Variants in SLC26A4 observed in about 807,000 individuals in gnomAD.
SLC26A4 encodes pendrin.
SLC26A4 carries 93 observed loss-of-function variants against 90.4 expected under a neutral mutation model. The observed-to-expected ratio is 1.03, with a 90% confidence interval of 0.87 to 1.22. SLC26A4 has a LOEUF of 1.22. SLC26A4 is among the 50% of genes most tolerant of loss of function. The pLI, the probability that SLC26A4 is intolerant of heterozygous loss-of-function variation, is 0.00. For synonymous variants in SLC26A4, 393 were observed against 354.6 expected (o/e 1.11, Z -1.22); for missense variants, 1,127 against 946.2 (o/e 1.19, Z -2.51).
At chr7:107,710,289 T>C (rs368660399) in intron 19 of SLC26A4, 90 bp downstream of exon 19, 10 of 1,011,862 alleles carry the variant, frequency 9.9e-6, no homozygotes, top group African/African-American at 6.3e-5. Context: ...AGTCTAGCTG[T>C]TGAATTTTAA....
In SLC26A4 at chr7:107,661,847, G is replaced by C; in HGVS notation, c.164+42G>C. The C allele has an allele frequency of 6.6e-7, 1 of 1,523,112 alleles. No individual in the cohort carries two copies. 94.3% of individuals were successfully genotyped at this position (1,523,112 alleles called of 1,614,324 possible). A position where few individuals can be genotyped will look rare whatever the true frequency, so the allele number is the denominator to read the frequency against. ...CCTGCGTAGAGAGAAGCGGAGCGGG[G>C]CGTCCACGCCTTGGGGAGGGAAGGG... On this transcript the variant is annotated intron_variant, in intron 2 of 20. Coordinates refer to ENST00000644269, the MANE Select transcript of SLC26A4 (RefSeq NM_000441.2). The surrounding 1 kb of genome is among the most constrained non-coding windows in gnomAD (Gnocchi z 5.1).
At chr7:107,711,388 G>T (rs1382592957) in intron 19 of SLC26A4, among the ~76,000 whole-genome samples, 2 of 152,058 alleles carry the variant, frequency 1.3e-5, no homozygotes. Flanking sequence ...TTCTTACTAA[G>T]ATTTTAGGCT....
intron 13 of SLC26A4, among the ~76,000 whole-genome samples, chr7:107,696,379 G>GT (rs1386897076): frequency 6.6e-6 from 1 of 152,160 alleles, no homozygotes; most frequent in Non-Finnish European, 1.5e-5. Flanking sequence ...TTTAGTTGTG[G>GT]TAAGACTAAA....
chr7:107,700,157 A>C lies in SLC26A4; in HGVS notation c.1689A>C (p.Lys563Asn). 1 of 1,554,178 alleles carries C rather than the reference A, an allele frequency of 6.4e-7. No homozygotes were observed. Among genetic ancestry groups the C allele is most frequent in the Non-Finnish European group, 8.9e-7 (1 of 1,125,268 alleles). The change falls in exon 15 of 21, where the codon AAA becomes AAC. Residue 563 changes from lysine (K) to asparagine (N), a missense_variant. By Grantham distance (94) the Lys-to-Asn change is moderately conservative. Coordinates refer to ENST00000644269, the MANE Select transcript of SLC26A4 (RefSeq NM_000441.2). ...PIFYGNVDGF[K>N]KCIKSTVGFD... ...TCTATGGCAATGTCGATGGTTTTAA[A>C]AAATGTATCAAGTCCACAGTAAGTA...
rs113420862 is a variant in SLC26A4 at position 107,691,108 on chromosome 7, T to TACACACACACAC, written c.1263+895_1263+906dup. On this transcript the variant is annotated intron_variant, in intron 10 of 20. Transcript: ENST00000644269. ...AACAAACCCAAACTACATAGTGCAA[T>TACACACACACAC]ACACACACACACACACACACACACA... 4.6e-3 allele frequency among the ~76,000 whole-genome samples: 646 copies of TACACACACACAC among 141,492 alleles called. 5 individuals carry two copies. Among genetic ancestry groups the TACACACACACAC allele is most frequent in the East Asian group, 0.011 (51 of 4,600 alleles). 92.8% of individuals were successfully genotyped at this position (141,492 alleles called of 152,430 possible).
rs74343923 is a variant in SLC26A4 at position 107,707,019 on chromosome 7, A to T, written c.2089+2634A>T. On this transcript the variant is annotated intron_variant, in intron 18 of 20. Coordinates refer to ENST00000644269, the MANE Select transcript of SLC26A4 (RefSeq NM_000441.2). ...GCCGTTACTACAAAAAATACAAAAAATTAGCTGGGCATGGAGCCTGAGGCT... is the reference window on the plus strand; with the variant it reads ...GCCGTTACTACAAAAAATACAAAAATTTAGCTGGGCATGGAGCCTGAGGCT... 4.9e-3 allele frequency among the ~76,000 whole-genome samples: 744 copies of T among 152,272 alleles called. 8 individuals carry two copies. The highest frequency in any genetic ancestry group is 0.017 in the African/African-American group (705 of 41,578).
intron 6 of SLC26A4, among the ~76,000 whole-genome samples, chr7:107,676,928 G>A (rs920740314): frequency 6.6e-6 from 1 of 152,088 alleles, no homozygotes; most frequent in African/African-American, 2.4e-5. Flanking sequence ...AATCCCAGCA[G>A]TTTGGGAGAC....
chr7:107,686,807 T>C (rs1407780565), intron 8 of SLC26A4, among the ~76,000 whole-genome samples: 2 of 152,194 alleles, frequency 1.3e-5, no homozygotes, highest in African/African-American at 4.8e-5. Flanking sequence ...TATCAAGTTA[T>C]AGGTGGCCCG....
intron 20 of SLC26A4, among the ~76,000 whole-genome samples, chr7:107,713,532 G>T (rs1792251872): frequency 6.6e-6 from 1 of 152,148 alleles, no homozygotes; most frequent in Non-Finnish European, 1.5e-5. Flanking sequence ...TTCCAGTTGA[G>T]ACTCTTCTAG....
chr7:107,707,855 G>T (rs1048637145), intron 18 of SLC26A4, among the ~76,000 whole-genome samples: 3 of 152,054 alleles, frequency 2.0e-5, no homozygotes, highest in Admixed American at 1.3e-4. Flanking sequence ...GTTAGTTCAA[G>T]GTCAAAAAGA....
chr7:107,704,694 A>G (rs1455377129), intron 18 of SLC26A4, among the ~76,000 whole-genome samples: 2 of 152,246 alleles, frequency 1.3e-5, no homozygotes, highest in Non-Finnish European at 2.9e-5. Flanking sequence ...GAGACAGAAC[A>G]ATAGGAAAAT....
Position 107,679,917 on chromosome 7 carries a change from A to AT in SLC26A4, c.766-3284dup, listed in dbSNP as rs1339222065. On this transcript the variant is annotated intron_variant, in intron 6 of 20. Coordinates refer to ENST00000644269, the MANE Select transcript of SLC26A4 (RefSeq NM_000441.2). ...ATATAATCTTATATTATATGCTCTT[A>AT]TATAATATAATCTTATTATATAATC... Among the ~76,000 whole-genome samples, 51 of 139,412 alleles carry AT rather than the reference A, an allele frequency of 3.7e-4. 5 individuals are homozygous for AT. The highest frequency in any genetic ancestry group is 1.2e-3 in the African/African-American group (46 of 38,066). The allele number at this position is 139,412 out of a possible 152,430, so 91.5% of individuals were successfully genotyped here.
rs561419025 is a variant in SLC26A4 at position 107,702,387 on chromosome 7, T to C, written c.2034+330T>C. ...ATTAAATAAGCTAATAGATATAAGG[T>C]GTTTAGAAGAGTGTCTGGTTCAGGC... On this transcript the variant is annotated intron_variant, in intron 17 of 20. Transcript: ENST00000644269. Among the ~76,000 whole-genome samples the C allele has an allele frequency of 1.2e-4, 19 of 152,154 alleles. No homozygotes were observed. In the East Asian group the frequency reaches 3.7e-3, roughly 29 times the overall value.
chr7:107,710,232 T>G (rs1413265860), intron 19 of SLC26A4, 33 bp downstream of exon 19: 1 of 1,445,612 alleles, frequency 6.9e-7, no homozygotes, highest in Non-Finnish European at 9.7e-7. Flanking sequence ...GATGTATCTT[T>G]TCTAAACTAT....
intron 18 of SLC26A4, among the ~76,000 whole-genome samples, chr7:107,705,563 T>C (rs1792016859): frequency 6.6e-6 from 1 of 152,188 alleles, no homozygotes. Context: ...TGTATTTATA[T>C]ATGTGGAACA....
chr7:107,685,754 C>T (rs1187672523), intron 8 of SLC26A4, among the ~76,000 whole-genome samples: 2 of 152,218 alleles, frequency 1.3e-5, no homozygotes, highest in Non-Finnish European at 2.9e-5. Context: ...CAGTCATGTG[C>T]CTCTCTTCTC....
chr7:107,690,420 T>C (rs928167804), intron 10 of SLC26A4, among the ~76,000 whole-genome samples, 183 bp downstream of exon 10: 3 of 152,148 alleles, frequency 2.0e-5, no homozygotes, highest in Non-Finnish European at 4.4e-5. Flanking sequence ...AAAAACAACA[T>C]GTATGGTTTT....
At position 107,679,047 on chromosome 7, in the gene SLC26A4, A is replaced by G. The variant is rs185688050; in HGVS notation, c.765+3938A>G. On this transcript the variant is annotated intron_variant, in intron 6 of 20. Transcript: ENST00000644269. ...GAAATAGGGGAGAAAATATTAGAAG[A>G]AAAAGAAATCAGTTAATTTACAAAT... Among the ~76,000 whole-genome samples the G allele has an allele frequency of 4.1e-4, 62 of 152,350 alleles. No individual in the cohort carries two copies. The East Asian group carries it at 0.01, about 26-fold the overall frequency.
intron 13 of SLC26A4, among the ~76,000 whole-genome samples, chr7:107,697,128 C>T (rs937715083): frequency 1.3e-5 from 2 of 152,192 alleles, no homozygotes; most frequent in Admixed American, 1.3e-4. Context: ...GGACACGTCT[C>T]AGAAACGCTC....
Sources: allele counts gnomAD v4.1 joint callset (sites outside exome capture counted in the v4.1 genomes callset), GRCh38; gene constraint gnomAD v4.1.1; non-coding constraint Gnocchi (gnomAD v3.1); transcripts MANE v1.5; gene names NCBI Gene and HGNC (gene_info 2026-07-23, HGNC 2026-07-21).